GNA14: variants seen among roughly 807,000 people sequenced by gnomAD.
GNA14 encodes G protein subunit alpha 14.
GNA14 carries 50 observed loss-of-function variants against 42.0 expected under a neutral mutation model. That is an observed-to-expected ratio of 1.19 (90% confidence interval 0.95 to 1.51). The LOEUF (loss-of-function observed/expected upper bound fraction) is 1.51. Ranked by LOEUF, GNA14 falls within the 40% of genes most tolerant of loss-of-function variation. The pLI is 0.00. For missense variants in GNA14, 473 were observed against 446.2 expected, an observed-to-expected ratio of 1.06 and a Z score of -0.54; for synonymous variants, 173 against 163.1, an observed-to-expected ratio of 1.06 and a Z score of -0.46.
At chr9:77,632,432 A>G (rs566986384) in intron 1 of GNA14, among the ~76,000 whole-genome samples, 4 of 152,160 alleles carry the variant, frequency 2.6e-5, no homozygotes, top group Non-Finnish European at 5.9e-5. Flanking sequence ...ATGGCCACCC[A>G]TGGACCAATC....
At chr9:77,483,805 A>G (rs546757326) in intron 2 of GNA14, among the ~76,000 whole-genome samples, 2 of 152,356 alleles carry the variant, frequency 1.3e-5, no homozygotes, top group South Asian at 4.1e-4. Context: ...ACCCACCTCA[A>G]TAACCGTAGG....
At chr9:77,483,706 G>A (rs932000840) in intron 2 of GNA14, among the ~76,000 whole-genome samples, 3 of 152,164 alleles carry the variant, frequency 2.0e-5, no homozygotes, top group African/African-American at 7.2e-5. Flanking sequence ...TCCTTTAAAG[G>A]AGTCTTATAT....
intron 1 of GNA14, among the ~76,000 whole-genome samples, chr9:77,584,925 C>A (rs1298526550): frequency 6.6e-6 from 1 of 151,948 alleles, no homozygotes; most frequent in Non-Finnish European, 1.5e-5. Context: ...GCCATGAGGA[C>A]AATCAGAGGT....
At chr9:77,542,575 G>A (rs1314735145) in intron 1 of GNA14, among the ~76,000 whole-genome samples, 14 of 152,156 alleles carry the variant, frequency 9.2e-5, no homozygotes, top group Admixed American at 9.2e-4. Flanking sequence ...CAGGTTCTCA[G>A]ACCACTGGGC....
chr9:77,538,245 A>G (rs1003567550), intron 1 of GNA14, among the ~76,000 whole-genome samples: 2 of 151,848 alleles, frequency 1.3e-5, no homozygotes, highest in African/African-American at 4.8e-5. Context: ...TAATTTTTTA[A>G]AATTTTTTTA....
intron 3 of GNA14, among the ~76,000 whole-genome samples, chr9:77,432,897 G>C (rs189536821): frequency 1.3e-5 from 2 of 152,128 alleles, no homozygotes; most frequent in African/African-American, 2.4e-5. Flanking sequence ...CTGGCTCCTC[G>C]AGCTGTCAAA....
At chr9:77,484,674 C>T (rs576084783) in intron 2 of GNA14, among the ~76,000 whole-genome samples, 1 of 152,212 alleles carries the variant, frequency 6.6e-6, no homozygotes, top group East Asian at 1.9e-4. Context: ...CTTCAGTGGA[C>T]ACCCAAAACC....
At chr9:77,634,971 T>C (rs774688458) in intron 1 of GNA14, among the ~76,000 whole-genome samples, 10 of 151,574 alleles carry the variant, frequency 6.6e-5, no homozygotes, top group Non-Finnish European at 4.4e-5. Flanking sequence ...CATTGGAGCA[T>C]ATAATATCAT....
chr9:77,637,125 C>T (rs756462359), intron 1 of GNA14, among the ~76,000 whole-genome samples: 123 of 152,288 alleles, frequency 8.1e-4, no homozygotes, highest in Non-Finnish European at 1.3e-3. Flanking sequence ...GTGATGTTTA[C>T]AGCTCCTGGA....
chr9:77,638,749 G>A (rs1824217086), intron 1 of GNA14, among the ~76,000 whole-genome samples: 1 of 152,174 alleles, frequency 6.6e-6, no homozygotes, highest in Admixed American at 6.5e-5. Context: ...CCAAAGAAGG[G>A]CAAATGTGGG....
At chr9:77,595,803 A>ATC (rs1564062315) in intron 1 of GNA14, among the ~76,000 whole-genome samples, 39 of 147,996 alleles carry the variant, frequency 2.6e-4, no homozygotes, top group African/African-American at 8.8e-4. Flanking sequence ...TTCTCTCAAG[A>ATC]GAGAGAGAGA....
At chr9:77,437,649 GGAAA>G (rs984024400) in intron 2 of GNA14, among the ~76,000 whole-genome samples, 9 of 151,072 alleles carry the variant, frequency 6.0e-5, no homozygotes, top group Non-Finnish European at 1.3e-4. Flanking sequence ...AAGGAAGGAA[GGAAA>G]GAAAGAAAGA....
intron 2 of GNA14, among the ~76,000 whole-genome samples, chr9:77,460,846 C>T (rs2131711864): frequency 6.6e-6 from 1 of 152,274 alleles, no homozygotes; most frequent in Non-Finnish European, 1.5e-5. Context: ...GGGCCAGGTC[C>T]AGTGTCGTTG....
At chr9:77,520,263 A>T (rs1837334350) in intron 2 of GNA14, among the ~76,000 whole-genome samples, 1 of 152,184 alleles carries the variant, frequency 6.6e-6, no homozygotes, top group Admixed American at 6.5e-5. Flanking sequence ...CAACCCCAAA[A>T]GGGGAATTTA....
intron 1 of GNA14, among the ~76,000 whole-genome samples, chr9:77,571,926 T>C (rs2131796803): frequency 6.6e-6 from 1 of 152,242 alleles, no homozygotes; most frequent in South Asian, 2.1e-4. Context: ...AATTTCATCT[T>C]TTTTTTTCCA....
chr9:77,519,373 T>C (rs1487572637), intron 2 of GNA14, among the ~76,000 whole-genome samples: 2 of 151,860 alleles, frequency 1.3e-5, no homozygotes, highest in African/African-American at 4.8e-5. Context: ...ATTGCGCCAC[T>C]ACACTCCAGC....
chr9:77,620,242 G>T (rs1823898961), intron 1 of GNA14, among the ~76,000 whole-genome samples: 1 of 152,204 alleles, frequency 6.6e-6, no homozygotes, highest in African/African-American at 2.4e-5. Context: ...TTTTACTGAT[G>T]AGGAGCCTCT....
chr9:77,585,416 AGAAG>A (rs1293007266), intron 1 of GNA14, among the ~76,000 whole-genome samples: 2 of 152,220 alleles, frequency 1.3e-5, no homozygotes, highest in African/African-American at 4.8e-5. Context: ...TACCAGGAAG[AGAAG>A]GATGACTCAC....
At chr9:77,530,571 T>C (rs1837511803) in intron 1 of GNA14, among the ~76,000 whole-genome samples, 1 of 152,218 alleles carries the variant, frequency 6.6e-6, no homozygotes, top group Non-Finnish European at 1.5e-5. Context: ...AAGATTCTAA[T>C]TGGTTAAATA....
Sources: gnomAD v4.1 joint callset for allele counts (sites outside exome capture counted in the v4.1 genomes callset) on GRCh38, gnomAD v4.1.1 for gene constraint, MANE v1.5 for transcripts, NCBI Gene and HGNC (gene_info 2026-07-23, HGNC 2026-07-21) for gene names.